CBLB: variants seen among roughly 807,000 people sequenced by gnomAD.
CBLB encodes Cbl proto-oncogene B.
A neutral mutation model predicts 104.9 loss-of-function variants in CBLB; 31 were observed. The ratio of observed to expected loss-of-function variants is 0.30; its 90% CI spans 0.22 to 0.40. The LOEUF is 0.40. CBLB is among the 10% of genes least tolerant of loss of function. CBLB has a pLI of 1.00. For missense variants in CBLB, 1,062 were observed against 1,214.6 expected, an observed-to-expected ratio of 0.87 and a Z score of 1.87; for synonymous variants, 440 against 422.6, an observed-to-expected ratio of 1.04 and a Z score of -0.51.
At chr3:105,665,596 C>A (rs2064349983) in intron 18 of CBLB, among the ~76,000 whole-genome samples, 2 of 145,648 alleles carry the variant, frequency 1.4e-5, no homozygotes, top group African/African-American at 2.5e-5. Context: ...ATTTGTATAA[C>A]AATATCAAAT....
At chr3:105,730,116 G>A (rs746221098) in intron 9 of CBLB, among the ~76,000 whole-genome samples, 5 of 151,890 alleles carry the variant, frequency 3.3e-5, no homozygotes, top group Middle Eastern at 3.2e-3. Context: ...AACATGAACC[G>A]GGGATTACTG....
chr3:105,814,739 C>A (rs924319952), intron 3 of CBLB, among the ~76,000 whole-genome samples: 4 of 152,036 alleles, frequency 2.6e-5, no homozygotes, highest in Non-Finnish European at 5.9e-5. Flanking sequence ...CATGATGCTC[C>A]AATTTATACT....
chr3:105,813,783 A>G (rs776603602), intron 3 of CBLB, among the ~76,000 whole-genome samples: 2 of 152,118 alleles, frequency 1.3e-5, no homozygotes, highest in Non-Finnish European at 2.9e-5. Context: ...CTACACCAAA[A>G]AACTTCAATA....
chr3:105,711,352 C>T (rs1358969879), intron 10 of CBLB, among the ~76,000 whole-genome samples: 4 of 151,910 alleles, frequency 2.6e-5, no homozygotes, highest in Non-Finnish European at 5.9e-5. Flanking sequence ...AAACTTTTAT[C>T]ACATGATAAA....
At chr3:105,789,776 C>G (rs1383414956) in intron 3 of CBLB, among the ~76,000 whole-genome samples, 1 of 152,116 alleles carries the variant, frequency 6.6e-6, no homozygotes, top group Non-Finnish European at 1.5e-5. Flanking sequence ...TGACATATGT[C>G]TAGATAAGAA....
At chr3:105,719,073 A>C (rs1197435640) in intron 10 of CBLB, among the ~76,000 whole-genome samples, 2 of 152,244 alleles carry the variant, frequency 1.3e-5, no homozygotes, top group Non-Finnish European at 2.9e-5. Flanking sequence ...ATTAATGAGC[A>C]AACTCAGATT....
At chr3:105,746,063 G>T (rs369107649) in intron 5 of CBLB, 25 bp from the exon 6 acceptor site, 11 of 1,473,432 alleles carry the variant, frequency 7.5e-6, no homozygotes, top group African/African-American at 1.4e-5. Flanking sequence ...AATTAAAAGA[G>T]ATTAGTATCT....
chr3:105,779,734 A>T (rs1195405941), intron 3 of CBLB, among the ~76,000 whole-genome samples: 1 of 151,878 alleles, frequency 6.6e-6, no homozygotes, highest in Non-Finnish European at 1.5e-5. Flanking sequence ...AATTTCATTT[A>T]AATTTGTTAT....
chr3:105,783,703 G>C (rs1042545821), intron 3 of CBLB, among the ~76,000 whole-genome samples: 1 of 152,264 alleles, frequency 6.6e-6, no homozygotes, highest in Non-Finnish European at 1.5e-5. Context: ...CAGAAAAAGA[G>C]GGCAATCAGA....
chr3:105,660,961 T>G (rs1186238330), intron 18 of CBLB, among the ~76,000 whole-genome samples: 1 of 131,394 alleles, frequency 7.6e-6, no homozygotes, highest in Non-Finnish European at 1.6e-5. Flanking sequence ...ATAGGATGTC[T>G]TCTTCTTTTT....
At chr3:105,669,271 G>A (rs966404467) in intron 18 of CBLB, among the ~76,000 whole-genome samples, 91 of 152,292 alleles carry the variant, frequency 6.0e-4, no homozygotes, top group African/African-American at 2.0e-3. Context: ...GAGATGATTA[G>A]ATTATGCAGG....
At chr3:105,864,191 A>G (rs1282039521) in intron 2 of CBLB, among the ~76,000 whole-genome samples, 2 of 152,174 alleles carry the variant, frequency 1.3e-5, no homozygotes, top group East Asian at 3.8e-4. Context: ...TGGGGTTTGT[A>G]ATATAGCCCT....
At chr3:105,733,987 T>C (rs2074627705) in intron 9 of CBLB, 22 bp downstream of exon 9, 1 of 1,610,482 alleles carries the variant, frequency 6.2e-7, no homozygotes, top group Non-Finnish European at 8.5e-7. Flanking sequence ...AAGAAAGACA[T>C]CCATGTTGCT....
chr3:105,732,663 T>C (rs1020851444), intron 9 of CBLB, among the ~76,000 whole-genome samples: 7 of 152,246 alleles, frequency 4.6e-5, no homozygotes, highest in African/African-American at 1.7e-4. Context: ...GGCCCTTTTA[T>C]GACTATGAAA....
chr3:105,684,157 C>G (rs1020616636), intron 14 of CBLB, among the ~76,000 whole-genome samples: 18 of 152,290 alleles, frequency 1.2e-4, no homozygotes, highest in African/African-American at 4.3e-4. Flanking sequence ...TGCCATCTCC[C>G]CTATCCCTCA....
intron 10 of CBLB, among the ~76,000 whole-genome samples, chr3:105,718,760 A>C (rs1365410075): frequency 6.6e-6 from 1 of 152,156 alleles, no homozygotes; most frequent in Non-Finnish European, 1.5e-5. Context: ...ATGTCTGCCC[A>C]AGTCAGGAGG....
At chr3:105,679,660 T>C (rs1972938) in intron 16 of CBLB, among the ~76,000 whole-genome samples, 151,477 of 152,010 alleles carry the variant, frequency 1, 75,476 homozygotes, top group East Asian at 1. Context: ...ACTGTAATCC[T>C]GGCTACTCGG....
At chr3:105,788,028 A>G (rs1256448208) in intron 3 of CBLB, among the ~76,000 whole-genome samples, 1 of 152,190 alleles carries the variant, frequency 6.6e-6, no homozygotes, top group Non-Finnish European at 1.5e-5. Context: ...TGGTTTAAGA[A>G]GCTGACTTAT....
chr3:105,797,709 T>A (rs890130457), intron 3 of CBLB, among the ~76,000 whole-genome samples: 1 of 152,258 alleles, frequency 6.6e-6, no homozygotes, highest in Non-Finnish European at 1.5e-5. Flanking sequence ...GAATTTCTGA[T>A]GGCATGTACA....
Sources: allele counts gnomAD v4.1 joint callset (sites outside exome capture counted in the v4.1 genomes callset), GRCh38; gene constraint gnomAD v4.1.1; transcripts MANE v1.5; gene names NCBI Gene and HGNC (gene_info 2026-07-23, HGNC 2026-07-21).